Variants in DLG2 observed in about 807,000 individuals in gnomAD.
The protein encoded by DLG2 is discs large MAGUK scaffold protein 2, also known as disks large homolog 2.
A neutral mutation model predicts 132.5 loss-of-function variants in DLG2; 45 were observed. That is an observed-to-expected ratio of 0.34 (90% confidence interval 0.27 to 0.44). DLG2 has a LOEUF of 0.44. DLG2 is among the 20% of genes least tolerant of loss of function. The pLI is 1.00. For missense variants in DLG2, 1,045 were observed against 1,196.9 expected (o/e 0.87, Z 1.87); for synonymous variants, 424 against 419.6 (o/e 1.01, Z -0.13).
chr11:85,628,139 C>A (rs1200796649), upstream of DLG2, among the ~76,000 whole-genome samples: 1 of 152,048 alleles, frequency 6.6e-6, no homozygotes, highest in Admixed American at 6.5e-5. Context: ...CGGCGCTGGG[C>A]GGCTGGTCCG....
intron 18 of DLG2, among the ~76,000 whole-genome samples, chr11:83,732,111 T>A (rs964544435): frequency 6.6e-6 from 1 of 152,228 alleles, no homozygotes; most frequent in African/African-American, 2.4e-5. Flanking sequence ...CTGATTAATT[T>A]CGATCTAGTT....
chr11:85,016,584 C>G (rs1442252251), intron 6 of DLG2, among the ~76,000 whole-genome samples: 1 of 152,152 alleles, frequency 6.6e-6, no homozygotes, highest in East Asian at 1.9e-4. Flanking sequence ...TCAACTCACA[C>G]CTAGGAAATG....
chr11:85,164,510 C>G (rs2152480732), intron 4 of DLG2, among the ~76,000 whole-genome samples: 1 of 152,250 alleles, frequency 6.6e-6, no homozygotes, highest in East Asian at 1.9e-4. Context: ...AACTTGCTGT[C>G]AATTATGCTC....
chr11:85,569,891 G>GA (rs2077745124), intron 3 of DLG2, among the ~76,000 whole-genome samples: 2 of 152,032 alleles, frequency 1.3e-5, no homozygotes, highest in Non-Finnish European at 2.9e-5. Flanking sequence ...ATACCCAAAG[G>GA]AAAATAGATC....
intron 14 of DLG2, among the ~76,000 whole-genome samples, chr11:83,959,289 C>T (rs1412915847): frequency 1.3e-5 from 2 of 151,956 alleles, no homozygotes; most frequent in Non-Finnish European, 2.9e-5. Context: ...TACCGTACAT[C>T]CATAACAAAC....
intron 7 of DLG2, among the ~76,000 whole-genome samples, chr11:84,327,303 G>A (rs766934183): frequency 7.3e-5 from 11 of 151,660 alleles, no homozygotes; most frequent in Non-Finnish European, 1.6e-4. Flanking sequence ...GGCAGGTCTC[G>A]AACTCCTGAC....
chr11:85,322,580 C>T (rs1353309579), intron 3 of DLG2, among the ~76,000 whole-genome samples: 5 of 152,066 alleles, frequency 3.3e-5, no homozygotes, highest in Non-Finnish European at 7.4e-5. Context: ...ACACCTTAAC[C>T]ACATATCCTT....
At chr11:83,691,723 T>C (rs1288073680) in intron 18 of DLG2, among the ~76,000 whole-genome samples, 1 of 152,158 alleles carries the variant, frequency 6.6e-6, no homozygotes, top group Admixed American at 6.5e-5. Context: ...GAGAATATGT[T>C]CCCTTTTTTC....
intron 6 of DLG2, among the ~76,000 whole-genome samples, chr11:84,685,807 G>A (rs771021886): frequency 9.2e-5 from 14 of 152,020 alleles, no homozygotes; most frequent in Non-Finnish European, 1.5e-4. Context: ...CTGGGTTCAC[G>A]TCATTCTCCT....
rs1460270507 is a variant in DLG2, at chr11:83,458,921, A to G, written c.*897T>C. ...TGAGGAAGAAGTCTTTGTCAGACTTAAAAGGAACTCAGATGCTCTTAACAG... is the reference window on the plus strand; with the variant it reads ...TGAGGAAGAAGTCTTTGTCAGACTTGAAAGGAACTCAGATGCTCTTAACAG... On this transcript the variant is annotated 3_prime_UTR_variant, in exon 28 of 28. Coordinates refer to ENST00000376104, the MANE Select transcript of DLG2 (RefSeq NM_001142699.3). 4 of 152,268 alleles carry G rather than the reference A, an allele frequency of 2.6e-5. No individual in the cohort carries two copies. Among genetic ancestry groups the G allele is most frequent in the Non-Finnish European group, 5.9e-5 (4 of 68,046 alleles). 9.4% of individuals were successfully genotyped at this position (152,268 alleles called of 1,614,324 possible).
At chr11:84,214,379 A>C (rs1265357989) in intron 8 of DLG2, among the ~76,000 whole-genome samples, 1 of 150,376 alleles carries the variant, frequency 6.6e-6, no homozygotes, top group Non-Finnish European at 1.5e-5. Context: ...ATACATATAA[A>C]TATGTTTTAT....
At chr11:84,765,316 G>A (rs578195305) in intron 6 of DLG2, among the ~76,000 whole-genome samples, 1 of 152,084 alleles carries the variant, frequency 6.6e-6, no homozygotes, top group Non-Finnish European at 1.5e-5. Flanking sequence ...TTTTGTCTTA[G>A]CAGGCTGAGC....
At chr11:83,562,599 G>C (rs1197683381) in intron 19 of DLG2, among the ~76,000 whole-genome samples, 1 of 152,046 alleles carries the variant, frequency 6.6e-6, no homozygotes, top group Non-Finnish European at 1.5e-5. Flanking sequence ...AAAATGGTTG[G>C]ATTTTATTAG....
intron 3 of DLG2, among the ~76,000 whole-genome samples, chr11:85,498,316 A>G (rs1473189789): frequency 1.3e-5 from 2 of 152,226 alleles, no homozygotes; most frequent in Non-Finnish European, 2.9e-5. Flanking sequence ...ACGAACAAAG[A>G]TCAAAAGAGA....
intron 5 of DLG2, among the ~76,000 whole-genome samples, chr11:85,150,692 G>T (rs544439631): frequency 7.1e-6 from 1 of 140,790 alleles, no homozygotes; most frequent in East Asian, 2.1e-4. Context: ...TGTTCCTAAG[G>T]CTACATAGTG....
intron 11 of DLG2, among the ~76,000 whole-genome samples, chr11:83,981,854 A>G (rs999530200): frequency 2.0e-5 from 3 of 152,210 alleles, no homozygotes; most frequent in African/African-American, 7.2e-5. Context: ...ACTATGGCTT[A>G]TACAATCTTA....
intron 6 of DLG2, among the ~76,000 whole-genome samples, chr11:84,756,356 C>T (rs2066875579): frequency 1.3e-5 from 2 of 152,134 alleles, no homozygotes; most frequent in Admixed American, 1.3e-4. Flanking sequence ...CACCTGTAAT[C>T]CCAGCCCTTT....
At chr11:84,971,121 G>C (rs1440505237) in intron 6 of DLG2, among the ~76,000 whole-genome samples, 1 of 152,022 alleles carries the variant, frequency 6.6e-6, no homozygotes, top group African/African-American at 2.4e-5. Context: ...AACATGAGAG[G>C]TACAAAGACG....
intron 19 of DLG2, among the ~76,000 whole-genome samples, chr11:83,584,889 C>A (rs1441224596): frequency 6.6e-6 from 1 of 152,158 alleles, no homozygotes; most frequent in African/African-American, 2.4e-5. Flanking sequence ...GGGCACAGAA[C>A]TGGGCATTGT....
Sources: allele counts gnomAD v4.1 joint callset (sites outside exome capture counted in the v4.1 genomes callset), GRCh38; gene constraint gnomAD v4.1.1; transcripts MANE v1.5; gene names NCBI Gene and HGNC (gene_info 2026-07-23, HGNC 2026-07-21).